The following APBA2 variants were observed in gnomAD, a reference collection of about 807,000 sequenced individuals.
APBA2 encodes the protein amyloid-beta A4 precursor protein-binding family A member 2.
Under a neutral mutation model 75.0 loss-of-function variants are expected in APBA2, and 30 were observed. The ratio of observed to expected loss-of-function variants is 0.40; its 90% CI spans 0.30 to 0.54. The LOEUF (loss-of-function observed/expected upper bound fraction) is 0.54, where lower values mean the gene tolerates loss of function less well. APBA2 is among the 20% of genes least tolerant of loss of function. The probability of loss-of-function intolerance (pLI) is 0.49; values close to 1 mark genes in which losing one functional copy is unlikely to be tolerated. For synonymous variants in APBA2, 444 were observed against 409.6 expected (o/e 1.08, Z -1.01); for missense variants, 801 against 1,016.1 (o/e 0.79, Z 2.88).
intron 1 of APBA2, among the ~76,000 whole-genome samples, chr15:28,920,270 A>G (rs974595361): frequency 1.3e-5 from 2 of 152,224 alleles, no homozygotes; most frequent in Non-Finnish European, 2.9e-5. Flanking sequence ...TAGAGGAACA[A>G]CAGCAACAAA....
chr15:28,927,870 G>A (rs966112872), intron 2 of APBA2, among the ~76,000 whole-genome samples: 5 of 151,750 alleles, frequency 3.3e-5, no homozygotes, highest in Non-Finnish European at 1.5e-5. Flanking sequence ...TGGGCTGGGC[G>A]CGGTGGCTCA....
At chr15:28,926,855 C>CTTTTTTTTTTT (rs201502989) in intron 2 of APBA2, among the ~76,000 whole-genome samples, 1 of 136,544 alleles carries the variant, frequency 7.3e-6, no homozygotes, top group African/African-American at 3.1e-5. Context: ...CTCTCTCTCT[C>CTTTTTTTTTTT]TCTTTTTTTT....
intron 1 of APBA2, among the ~76,000 whole-genome samples, chr15:28,915,029 C>A (rs1412239030): frequency 5.8e-5 from 8 of 137,376 alleles, no homozygotes; most frequent in Non-Finnish European, 8.0e-5. Context: ...ACACACACCA[C>A]ACACATACCA....
intron 2 of APBA2, among the ~76,000 whole-genome samples, chr15:28,973,502 T>C (rs181229935): frequency 1.3e-5 from 2 of 152,180 alleles, no homozygotes; most frequent in Non-Finnish European, 2.9e-5. Flanking sequence ...TGTTGTCACA[T>C]AGAGGATGAA....
intron 4 of APBA2, among the ~76,000 whole-genome samples, chr15:29,058,228 C>T (rs972876293): frequency 2.6e-5 from 4 of 152,014 alleles, no homozygotes; most frequent in Non-Finnish European, 2.9e-5. Flanking sequence ...AATGAGTTGC[C>T]GGCTGGGTGC....
chr15:28,943,186 G>A (rs555269162), intron 2 of APBA2, among the ~76,000 whole-genome samples: 70 of 152,320 alleles, frequency 4.6e-4, no homozygotes, highest in African/African-American at 1.7e-3. Flanking sequence ...CAGGCTGGGT[G>A]AGCCTCAACA....
At chr15:29,093,690 G>A (rs991663301) in intron 7 of APBA2, among the ~76,000 whole-genome samples, 10 of 152,186 alleles carry the variant, frequency 6.6e-5, no homozygotes, top group African/African-American at 2.4e-4. Flanking sequence ...GCAAGGGGAA[G>A]ATGAGGCCAC....
chr15:29,060,904 G>T (rs944618265), intron 4 of APBA2, among the ~76,000 whole-genome samples: 2 of 152,142 alleles, frequency 1.3e-5, no homozygotes. Context: ...CTACTATCAG[G>T]CAGTGAAGCG....
At chr15:28,935,976 A>G (rs1306307998) in intron 2 of APBA2, among the ~76,000 whole-genome samples, 2 of 152,208 alleles carry the variant, frequency 1.3e-5, no homozygotes, top group Admixed American at 6.5e-5. Flanking sequence ...GTTCAGATCA[A>G]TTTTTGAAGT....
At chr15:29,069,575 C>T (rs993589499) in intron 4 of APBA2, among the ~76,000 whole-genome samples, 2 of 152,234 alleles carry the variant, frequency 1.3e-5, no homozygotes, top group Admixed American at 1.3e-4. Context: ...CTCCTCTGGC[C>T]TGATCTCCCA....
At chr15:28,988,476 C>T (rs188147073) in intron 2 of APBA2, among the ~76,000 whole-genome samples, 2 of 152,266 alleles carry the variant, frequency 1.3e-5, no homozygotes, top group East Asian at 3.9e-4. Context: ...GTTGGCCAGG[C>T]TGGTCTCGAA....
chr15:28,933,137 G>A (rs552647490), intron 2 of APBA2, among the ~76,000 whole-genome samples: 1 of 152,260 alleles, frequency 6.6e-6, no homozygotes, highest in African/African-American at 2.4e-5. Context: ...ACATTCATGA[G>A]GGTAGAGCTT....
intron 3 of APBA2, among the ~76,000 whole-genome samples, chr15:28,998,912 C>T (rs573333203): frequency 9.9e-5 from 15 of 152,252 alleles, no homozygotes; most frequent in Admixed American, 7.8e-4. Flanking sequence ...TTTGGGAGGC[C>T]GAGGTGGGCA....
intron 7 of APBA2, 87 bp downstream of exon 7, chr15:29,093,307 T>C: frequency 6.5e-7 from 1 of 1,544,652 alleles, no homozygotes; most frequent in East Asian, 2.4e-5. Context: ...GTAGGCCCTC[T>C]TCCAGCTCGG....
intron 9 of APBA2, among the ~76,000 whole-genome samples, chr15:29,099,904 A>G (rs2044034177): frequency 6.6e-6 from 1 of 152,216 alleles, no homozygotes. Context: ...GGATCCTGTG[A>G]AGGAGAGATG....
intron 2 of APBA2, among the ~76,000 whole-genome samples, chr15:28,975,762 A>G (rs1277448643): frequency 1.3e-5 from 2 of 152,254 alleles, no homozygotes. Context: ...TCACAAAGCT[A>G]ATTCCTTCAA....
At chr15:28,942,816 G>T (rs556654103) in intron 2 of APBA2, among the ~76,000 whole-genome samples, 2 of 152,198 alleles carry the variant, frequency 1.3e-5, no homozygotes, top group Non-Finnish European at 2.9e-5. Context: ...CCTCTTCCCT[G>T]CAGGGAGAGA....
chr15:28,946,814 A>G (rs1263083658), intron 2 of APBA2, among the ~76,000 whole-genome samples: 1 of 152,180 alleles, frequency 6.6e-6, no homozygotes. Flanking sequence ...CCTGGGCTCA[A>G]GGGATCCACC....
intron 3 of APBA2, among the ~76,000 whole-genome samples, chr15:29,000,343 G>A (rs887376132): frequency 5.9e-5 from 9 of 152,322 alleles, no homozygotes; most frequent in African/African-American, 1.4e-4. Context: ...GACTGACAGC[G>A]ATGGTTAAGC....
Sources: gnomAD v4.1 joint callset for allele counts (sites outside exome capture counted in the v4.1 genomes callset) on GRCh38, gnomAD v4.1.1 for gene constraint, MANE v1.5 for transcripts, NCBI Gene and HGNC (gene_info 2026-07-23, HGNC 2026-07-21) for gene names.